The following CSTF1 variants were observed in gnomAD, a reference collection of about 807,000 sequenced individuals.
The protein encoded by CSTF1 is CF-1 50 kDa subunit.
Under a neutral mutation model 40.9 loss-of-function variants are expected in CSTF1, and 2 were observed. The ratio of observed to expected loss-of-function variants is 0.05; its 90% CI spans 0.02 to 0.15. CSTF1 has a LOEUF of 0.15. Among genes scored for constraint, CSTF1 ranks in the 10% least tolerant of loss-of-function variants. The pLI is 1.00. For synonymous variants in CSTF1, 218 were observed against 207.2 expected (o/e 1.05, Z -0.45); for missense variants, 279 against 558.9 (o/e 0.50, Z 5.05).
intron 5 of CSTF1, among the ~76,000 whole-genome samples, chr20:56,402,321 A>AAAG: frequency 6.9e-6 from 1 of 145,148 alleles, no homozygotes; most frequent in Non-Finnish European, 1.5e-5. Flanking sequence ...AAAAAAAAAA[A>AAAG]AGAGAGAATT....
chr20:56,404,574 G>A lies in CSTF1; in HGVS notation c.*847G>A, dbSNP rs1398909617. The A allele has an allele frequency of 6.6e-6, 1 of 151,974 alleles. No individual in the cohort carries two copies. The highest frequency in any genetic ancestry group is 1.5e-5 in the Non-Finnish European group (1 of 68,014). 9.4% of individuals were successfully genotyped at this position (151,974 alleles called of 1,614,324 possible). A position where few individuals can be genotyped will look rare whatever the true frequency, so the allele number is the denominator to read the frequency against. On this transcript the variant is annotated 3_prime_UTR_variant, in exon 6 of 6. Transcript: ENST00000217109. The stretch of plus-strand genomic sequence containing the variant: ...CAGCATGAACTAACTTCTCATCATG[G>A]AGGCACATAGTAACTGCATTCTCAG...
At position 56,395,642 on chromosome 20, in the gene CSTF1, C is replaced by G. The variant is rs1295098203; in HGVS notation, c.90C>G (p.Ile30Met). ...SQLLYDGYIS[I>M]ANGLINEIKP... ...TGCTATATGACGGCTACATCAGCATCGCCAATGGCCTCATCAATGAAATCA... is the reference window on the plus strand; with the variant it reads ...TGCTATATGACGGCTACATCAGCATGGCCAATGGCCTCATCAATGAAATCA... The change falls in exon 2 of 6, where the codon ATC becomes ATG. Residue 30 changes from isoleucine (I) to methionine (M), a missense_variant. Ile to Met is a conservative substitution (Grantham distance 10). Coordinates refer to ENST00000217109, the MANE Select transcript of CSTF1 (RefSeq NM_001324.3). The G allele has an allele frequency of 6.2e-7, 1 of 1,614,046 alleles. No individual in the cohort carries two copies. The highest frequency in any genetic ancestry group is 2.2e-5 in the East Asian group (1 of 44,900).
chr20:56,396,923 G>T, intron 2 of CSTF1: 1 of 326,184 alleles, frequency 3.1e-6, no homozygotes, highest in African/African-American at 2.1e-5. Flanking sequence ...TTGAGTTTCT[G>T]TAGTTGTAGA....
chr20:56,393,996 G>C (rs1260242785), intron 1 of CSTF1, among the ~76,000 whole-genome samples: 4 of 152,158 alleles, frequency 2.6e-5, no homozygotes, highest in Non-Finnish European at 5.9e-5. Context: ...GGGATCTGGA[G>C]TTGGCAATTC....
At chr20:56,394,543 C>T (rs183903299) in intron 1 of CSTF1, among the ~76,000 whole-genome samples, 2 of 152,154 alleles carry the variant, frequency 1.3e-5, no homozygotes, top group African/African-American at 2.4e-5. Flanking sequence ...GCCGAGATCG[C>T]GCCACTGCCC....
At chr20:56,401,169 G>C (rs561651463) in intron 5 of CSTF1, among the ~76,000 whole-genome samples, 1 of 152,172 alleles carries the variant, frequency 6.6e-6, no homozygotes, top group South Asian at 2.1e-4. Context: ...TACAGGACTG[G>C]GAGAAAATGG....
Position 56,397,013 on chromosome 20 carries a change from G to A in CSTF1, c.170-194G>A. 3.4e-6 allele frequency: 2 copies of A among 586,590 alleles called. No homozygotes were observed. The highest frequency in any genetic ancestry group is 5.9e-6 in the Non-Finnish European group (2 of 339,626). 36.3% of individuals were successfully genotyped at this position (586,590 alleles called of 1,614,324 possible). ...GCCTAACCTTCCAGCAACCCATGTG[G>A]CCTCACAGCGTGGTGAACTTTGAAT... On this transcript the variant is annotated intron_variant, in intron 2 of 5. Transcript: ENST00000217109. The surrounding 1 kb of genome is among the most constrained non-coding windows in gnomAD (Gnocchi z 4.4).
Position 56,405,885 on chromosome 20 carries a change from T to C in CSTF1, c.*2158T>C, listed in dbSNP as rs1426560980. ...CTTTTGCTTTCAACCTCTTAAACTG[T>C]AAAGGAGAGATTTAATGTTTCCCTA... On this transcript the variant is annotated 3_prime_UTR_variant, in exon 6 of 6. Coordinates refer to ENST00000217109, the MANE Select transcript of CSTF1 (RefSeq NM_001324.3). 6.6e-6 allele frequency: 1 copy of C among 152,232 alleles called. No individual in the cohort carries two copies. The highest frequency in any genetic ancestry group is 1.9e-4 in the East Asian group (1 of 5,204). 9.4% of individuals were successfully genotyped at this position (152,232 alleles called of 1,614,324 possible). A position where few individuals can be genotyped will look rare whatever the true frequency, so the allele number is the denominator to read the frequency against.
rs1268147902 is a variant in CSTF1 at position 56,406,119 on chromosome 20, T to G, written c.*2392T>G. 1.7e-5 allele frequency: 1 copy of G among 58,794 alleles called. No individual in the cohort carries two copies. 3.6% of individuals were successfully genotyped at this position (58,794 alleles called of 1,614,324 possible). On this transcript the variant is annotated 3_prime_UTR_variant, in exon 6 of 6. Transcript: ENST00000217109. Reference sequence around the variant, plus strand: ...GTTTTTTCATTTTTTGTGGGTTTGTTTTTTTTGTGTTTGTTTGGTTGGTTG... The same window carrying G: ...GTTTTTTCATTTTTTGTGGGTTTGTGTTTTTTGTGTTTGTTTGGTTGGTTG...
chr20:56,404,212 A>G lies in CSTF1; in HGVS notation c.*485A>G, dbSNP rs1978605916. ...GCATTTTCAAGAATCCCTCAATTCT[A>G]TCCTGAAATGATGTTATTCTGATAA... On this transcript the variant is annotated 3_prime_UTR_variant, in exon 6 of 6. Coordinates refer to ENST00000217109, the MANE Select transcript of CSTF1 (RefSeq NM_001324.3). 1 of 154,366 alleles carries G rather than the reference A, an allele frequency of 6.5e-6. No homozygotes were observed. The highest frequency in any genetic ancestry group is 1.9e-4 in the East Asian group (1 of 5,222). 9.6% of individuals were successfully genotyped at this position (154,366 alleles called of 1,614,324 possible). A position where few individuals can be genotyped will look rare whatever the true frequency, so the allele number is the denominator to read the frequency against.
intron 5 of CSTF1, among the ~76,000 whole-genome samples, chr20:56,401,111 A>C (rs1234367178): frequency 3.9e-5 from 6 of 152,218 alleles, no homozygotes; most frequent in Admixed American, 3.9e-4. Flanking sequence ...AAAACTATCA[A>C]AACTTTAGAA....
chr20:56,393,929 G>A (rs1332481720), intron 1 of CSTF1, among the ~76,000 whole-genome samples: 1 of 152,108 alleles, frequency 6.6e-6, no homozygotes, highest in African/African-American at 2.4e-5. Flanking sequence ...TAATCAGCCC[G>A]CCAAAGCATC....
At position 56,403,687 on chromosome 20, in the gene CSTF1, T is replaced by A; in HGVS notation, c.1256T>A (p.Phe419Tyr). The change falls in exon 6 of 6, where the codon TTC becomes TAC. Residue 419 changes from phenylalanine (F) to tyrosine (Y), a missense_variant. This residue lies in a region of CSTF1 where 162 missense variants were observed against 337.1 expected (regional missense o/e 0.48). Transcript: ENST00000217109. ...GGGTTCATGACGTGCAGCGATGACT[T>A]CAGAGCGCGGTTTTGGTACCGGAGA... is the stretch of plus-strand genomic sequence containing the variant. ...NPGFMTCSDD[F>Y]RARFWYRRST... The A allele has an allele frequency of 6.2e-7, 1 of 1,613,930 alleles. No homozygotes were observed. Among genetic ancestry groups the A allele is most frequent in the Non-Finnish European group, 8.5e-7 (1 of 1,179,882 alleles).
intron 1 of CSTF1, among the ~76,000 whole-genome samples, chr20:56,393,428 A>G (rs1459618310): frequency 6.6e-6 from 1 of 152,080 alleles, no homozygotes; most frequent in Non-Finnish European, 1.5e-5. Flanking sequence ...AGAATCTCTC[A>G]TCAACTTTTC....
rs1270630709 is a variant in CSTF1 at position 56,405,940 on chromosome 20, G to C, written c.*2213G>C. ...TCTGCTTTGACTCACATACTAAAAT[G>C]ACCACATGGCACTCCATTGAATCTT... On this transcript the variant is annotated 3_prime_UTR_variant, in exon 6 of 6. Coordinates refer to ENST00000217109, the MANE Select transcript of CSTF1 (RefSeq NM_001324.3). 1 of 152,152 alleles carries C rather than the reference G, an allele frequency of 6.6e-6. No homozygotes were observed. The highest frequency in any genetic ancestry group is 1.5e-5 in the Non-Finnish European group (1 of 68,042). The allele number at this position is 152,152 out of a possible 1,614,324, so 9.4% of individuals were successfully genotyped here.
At position 56,397,085 on chromosome 20, in the gene CSTF1, G is replaced by T; in HGVS notation, c.170-122G>T. ...TTTGTAAAGTGTTAGGTGTCACGCG[G>T]CTCCAAGAAATAGGAGGTTGACACT... On this transcript the variant is annotated intron_variant, in intron 2 of 5. Coordinates refer to ENST00000217109, the MANE Select transcript of CSTF1 (RefSeq NM_001324.3). This position sits in a 1 kb window ranked among gnomAD's most constrained non-coding sequence, Gnocchi z 4.4. 1 of 1,057,712 alleles carries T rather than the reference G, an allele frequency of 9.5e-7. No homozygotes were observed. The highest frequency in any genetic ancestry group is 1.4e-6 in the Non-Finnish European group (1 of 729,900). The allele number at this position is 1,057,712 out of a possible 1,614,324, so 65.5% of individuals were successfully genotyped here.
intron 5 of CSTF1, among the ~76,000 whole-genome samples, chr20:56,402,768 T>C (rs1051690381): frequency 1.3e-5 from 2 of 151,522 alleles, no homozygotes; most frequent in East Asian, 2.0e-4. Flanking sequence ...AACCCTGTCT[T>C]TACTAAAAAT....
chr20:56,392,590 A>G (rs1250043515), upstream of CSTF1: 1 of 152,312 alleles, frequency 6.6e-6, no homozygotes, highest in Non-Finnish European at 1.5e-5. Flanking sequence ...TCGATAGCGC[A>G]GCGGTCGGCT....
rs1367461504 is a variant in CSTF1, at chr20:56,399,843, A to G, written c.1036+486A>G. ...AATGCAGATATAAAGTAGGCTCAGC[A>G]GACAGAAAAAAATTGCATCCACTGA... is the stretch of plus-strand genomic sequence containing the variant. On this transcript the variant is annotated intron_variant, in intron 5 of 5. Transcript: ENST00000217109. This position sits in a 1 kb window ranked among gnomAD's most constrained non-coding sequence, Gnocchi z 4.6. 6.6e-6 allele frequency among the ~76,000 whole-genome samples: 1 copy of G among 152,256 alleles called. No individual in the cohort carries two copies. Among genetic ancestry groups the G allele is most frequent in the East Asian group, 1.9e-4 (1 of 5,200 alleles).
Sources: allele counts gnomAD v4.1 joint callset (sites outside exome capture counted in the v4.1 genomes callset), GRCh38; gene constraint gnomAD v4.1.1; regional missense constraint gnomAD v4.1.1; non-coding constraint Gnocchi (gnomAD v3.1); transcripts MANE v1.5; gene names NCBI Gene and HGNC (gene_info 2026-07-23, HGNC 2026-07-21).